The following ITPR2 variants were observed in gnomAD, a reference collection of about 807,000 sequenced individuals.
ITPR2 encodes the protein inositol 1,4,5-trisphosphate-gated calcium channel ITPR2.
Under a neutral mutation model 317.1 loss-of-function variants are expected in ITPR2, and 207 were observed. That is an observed-to-expected ratio of 0.65 (90% CI 0.58 to 0.73). The LOEUF is 0.73. Ranked by LOEUF, ITPR2 falls within the 30% of genes least tolerant of loss-of-function variation. ITPR2 has a pLI of 0.00. For synonymous variants in ITPR2, 1,156 were observed against 1,149.1 expected, an observed-to-expected ratio of 1.01 and a Z score of -0.12; for missense variants, 2,613 against 3,284.0, an observed-to-expected ratio of 0.80 and a Z score of 4.99.
At chr12:26,636,471 C>T (rs971815852) in intron 21 of ITPR2, among the ~76,000 whole-genome samples, 5 of 151,988 alleles carry the variant, frequency 3.3e-5, no homozygotes, top group African/African-American at 4.8e-5. Flanking sequence ...GTCAAAGTAA[C>T]GCATGAATAA....
intron 2 of ITPR2, among the ~76,000 whole-genome samples, chr12:26,742,650 C>T (rs1275232969): frequency 2.0e-5 from 3 of 151,906 alleles, no homozygotes; most frequent in Non-Finnish European, 4.4e-5. Flanking sequence ...CCCTGTCTTA[C>T]TAAAAATACA....
intron 21 of ITPR2, among the ~76,000 whole-genome samples, chr12:26,645,217 C>T (rs1005950183): frequency 1.1e-4 from 17 of 152,074 alleles, no homozygotes; most frequent in African/African-American, 3.9e-4. Flanking sequence ...CTAGAGTTGC[C>T]GAGAATTGTG....
intron 22 of ITPR2, 66 bp downstream of exon 22, chr12:26,631,799 AG>A (rs369730129): frequency 1.5e-6 from 2 of 1,361,064 alleles, no homozygotes; most frequent in Non-Finnish European, 2.1e-6. Context: ...TGGAACAAAA[AG>A]GGTAAGAAGT....
At chr12:26,586,662 C>T (rs181804450) in intron 32 of ITPR2, among the ~76,000 whole-genome samples, 371 of 152,220 alleles carry the variant, frequency 2.4e-3, no homozygotes, top group Non-Finnish European at 4.4e-3. Context: ...TCAGTGTCAT[C>T]AACAGTCATT....
chr12:26,832,654 A>G (rs780877738), intron 1 of ITPR2, 36 bp downstream of exon 1: 2 of 1,490,756 alleles, frequency 1.3e-6, no homozygotes, highest in Admixed American at 3.6e-5. Context: ...CAGGACCCGG[A>G]GCGCGAGCGC....
At chr12:26,743,512 T>C (rs1323727672) in intron 2 of ITPR2, among the ~76,000 whole-genome samples, 3 of 152,228 alleles carry the variant, frequency 2.0e-5, no homozygotes, top group Admixed American at 2.0e-4. Context: ...ATCAATGCAT[T>C]ATTAGATGTA....
intron 36 of ITPR2, among the ~76,000 whole-genome samples, chr12:26,555,376 C>T (rs1428351729): frequency 6.6e-6 from 1 of 152,190 alleles, no homozygotes; most frequent in Non-Finnish European, 1.5e-5. Context: ...GCTCATCTCA[C>T]TGACTCTCCA....
intron 49 of ITPR2, among the ~76,000 whole-genome samples, chr12:26,420,736 C>T (rs574359050): frequency 3.3e-5 from 5 of 151,976 alleles, no homozygotes; most frequent in Middle Eastern, 3.4e-3. Context: ...ATATTTTCTG[C>T]CCAAGAGCAG....
rs1949103135 is a variant in ITPR2, at chr12:26,735,369, T to A, written c.164-9604A>T. 2.7e-5 allele frequency among the ~76,000 whole-genome samples: 4 copies of A among 149,152 alleles called. No individual in the cohort carries two copies. In the South Asian group the frequency reaches 8.4e-4, roughly 31 times the overall value. ...CTGAATGGAATGAAATTGAATTGAA[T>A]GGAACAGGAAGAGAAAGGGAAAGGG... On this transcript the variant is annotated intron_variant, in intron 2 of 56. Transcript: ENST00000381340.
chr12:26,653,240 T>C (rs1273424318), intron 21 of ITPR2, among the ~76,000 whole-genome samples: 1 of 142,290 alleles, frequency 7.0e-6, no homozygotes, highest in Non-Finnish European at 1.5e-5. Flanking sequence ...CTTGAATCTT[T>C]CTTTTTTTTT....
At chr12:26,420,645 T>C (rs1940861151) in intron 49 of ITPR2, among the ~76,000 whole-genome samples, 1 of 152,196 alleles carries the variant, frequency 6.6e-6, no homozygotes, top group Non-Finnish European at 1.5e-5. Flanking sequence ...ACTTCATTCA[T>C]GTCTTATTTC....
intron 44 of ITPR2, among the ~76,000 whole-genome samples, chr12:26,476,407 A>C (rs998218487): frequency 2.6e-5 from 4 of 152,246 alleles, no homozygotes; most frequent in African/African-American, 9.6e-5. Flanking sequence ...CTTCTACAAT[A>C]GGAAGACACA....
chr12:26,493,428 C>T (rs1173259135), intron 39 of ITPR2, among the ~76,000 whole-genome samples: 1 of 152,070 alleles, frequency 6.6e-6, no homozygotes, highest in Non-Finnish European at 1.5e-5. Context: ...CCAAGGCAAA[C>T]CTAGAAAGAG....
At chr12:26,568,675 G>C (rs1294388396) in intron 34 of ITPR2, among the ~76,000 whole-genome samples, 4 of 152,128 alleles carry the variant, frequency 2.6e-5, no homozygotes, top group African/African-American at 9.7e-5. Context: ...CTGACAGGTA[G>C]GGGGGAAAGG....
chr12:26,393,024 GATC>G (rs1939894239), intron 54 of ITPR2, among the ~76,000 whole-genome samples: 1 of 152,172 alleles, frequency 6.6e-6, no homozygotes, highest in East Asian at 1.9e-4. Flanking sequence ...CCACCTTCTG[GATC>G]ACTAGCTATT....
At chr12:26,547,723 T>C (rs1591884895) in intron 37 of ITPR2, among the ~76,000 whole-genome samples, 1 of 152,282 alleles carries the variant, frequency 6.6e-6, no homozygotes, top group East Asian at 1.9e-4. Flanking sequence ...TATTCAGCCA[T>C]AAAAAAATGA....
chr12:26,671,196 G>A (rs1947761034), intron 13 of ITPR2, among the ~76,000 whole-genome samples: 3 of 152,084 alleles, frequency 2.0e-5, no homozygotes, highest in African/African-American at 2.4e-5. Flanking sequence ...GAAATACAGA[G>A]AACGCCACAA....
intron 1 of ITPR2, among the ~76,000 whole-genome samples, chr12:26,806,984 T>C (rs549404566): frequency 1.3e-5 from 2 of 152,202 alleles, no homozygotes; most frequent in East Asian, 3.9e-4. Context: ...ATATATGCAC[T>C]ATTAGACCAG....
chr12:26,692,091 G>T (rs1948251738), intron 10 of ITPR2, among the ~76,000 whole-genome samples: 2 of 152,114 alleles, frequency 1.3e-5, no homozygotes, highest in Non-Finnish European at 2.9e-5. Context: ...AGGAAAATTT[G>T]AGGGTCTGTC....
Sources: allele counts gnomAD v4.1 joint callset (sites outside exome capture counted in the v4.1 genomes callset), GRCh38; gene constraint gnomAD v4.1.1; transcripts MANE v1.5; gene names NCBI Gene and HGNC (gene_info 2026-07-23, HGNC 2026-07-21).